CCDC171: variants seen among roughly 807,000 people sequenced by gnomAD.
CCDC171 encodes the protein coiled-coil domain containing 171.
Under a neutral mutation model 168.2 loss-of-function variants are expected in CCDC171, and 177 were observed. That is an observed-to-expected ratio of 1.05 (90% CI 0.93 to 1.19). The LOEUF is 1.19. Ranked by LOEUF, CCDC171 falls within the 50% of genes most tolerant of loss-of-function variation. The pLI, the probability that CCDC171 is intolerant of heterozygous loss-of-function variation, is 0.00. For missense variants in CCDC171, 1,991 were observed against 1,539.0 expected (o/e 1.29, Z -4.91); for synonymous variants, 687 against 540.8 (o/e 1.27, Z -3.75).
chr9:15,743,045 C>G (rs930561871), intron 16 of CCDC171, among the ~76,000 whole-genome samples: 1 of 151,246 alleles, frequency 6.6e-6, no homozygotes, highest in Non-Finnish European at 1.5e-5. Flanking sequence ...TCCAAAAGTG[C>G]TGGGATTATA....
chr9:15,562,364 G>A (rs941692272), intron 1 of CCDC171, among the ~76,000 whole-genome samples: 2 of 152,098 alleles, frequency 1.3e-5, no homozygotes, highest in Non-Finnish European at 2.9e-5. Flanking sequence ...CTTATATAAT[G>A]TAATCATAAG....
chr9:15,630,321 A>T (rs1307856346), intron 7 of CCDC171, among the ~76,000 whole-genome samples: 2 of 152,186 alleles, frequency 1.3e-5, no homozygotes, highest in Non-Finnish European at 2.9e-5. Context: ...AAATAAAAGG[A>T]TGGAGGAAGA....
intron 18 of CCDC171, among the ~76,000 whole-genome samples, chr9:15,749,132 C>A (rs1435800661): frequency 7.1e-5 from 8 of 112,608 alleles, no homozygotes; most frequent in African/African-American, 2.2e-4. Context: ...ATCTACCAAG[C>A]AAATGGAAAG....
intron 3 of CCDC171, among the ~76,000 whole-genome samples, chr9:16,011,763 C>G (rs1407758358): frequency 6.6e-6 from 1 of 152,200 alleles, no homozygotes; most frequent in Non-Finnish European, 1.5e-5. Context: ...TTTCCCAAAG[C>G]TTACAGTTAA....
At chr9:15,643,377 A>T (rs2046790640) in intron 7 of CCDC171, among the ~76,000 whole-genome samples, 1 of 152,164 alleles carries the variant, frequency 6.6e-6, no homozygotes, top group Non-Finnish European at 1.5e-5. Flanking sequence ...GTGTGGGCTA[A>T]ACATAATAAT....
chr9:15,936,520 C>CT (rs1430630080), intron 25 of CCDC171, among the ~76,000 whole-genome samples: 39 of 151,946 alleles, frequency 2.6e-4, no homozygotes, highest in African/African-American at 8.9e-4. Context: ...TGAGGGGACT[C>CT]AGCAGAGAGC....
chr9:15,857,934 G>GATATATAT (rs569030319), intron 23 of CCDC171, among the ~76,000 whole-genome samples: 26 of 151,172 alleles, frequency 1.7e-4, no homozygotes, highest in African/African-American at 6.3e-4. Flanking sequence ...CTATAGTTTT[G>GATATATAT]ATATATATAT....
At chr9:15,988,409 T>G (rs548154936) in intron 3 of CCDC171, among the ~76,000 whole-genome samples, 16 of 152,352 alleles carry the variant, frequency 1.1e-4, no homozygotes, top group African/African-American at 3.8e-4. Flanking sequence ...ATTAACAGTT[T>G]TGGTCTTAGA....
chr9:15,835,047 C>T (rs753747815), intron 21 of CCDC171, among the ~76,000 whole-genome samples: 30 of 152,134 alleles, frequency 2.0e-4, no homozygotes, highest in Admixed American at 7.9e-4. Context: ...GGTTTCTAAG[C>T]TGTGTCATGG....
intron 16 of CCDC171, among the ~76,000 whole-genome samples, chr9:15,736,661 T>TTTTCTTTC (rs58407296): frequency 0.053 from 7,784 of 147,950 alleles, 232 homozygotes; most frequent in East Asian, 0.092. Flanking sequence ...TCACATTTCT[T>TTTTCTTTC]TTTCTTTCTT....
At chr9:16,055,990 T>A (rs1833832859) in intron 1 of CCDC171, among the ~76,000 whole-genome samples, 1 of 152,238 alleles carries the variant, frequency 6.6e-6, no homozygotes, top group Non-Finnish European at 1.5e-5. Flanking sequence ...CCATTTATGT[T>A]TCTGAGAAGG....
intron 24 of CCDC171, among the ~76,000 whole-genome samples, chr9:15,896,743 T>G (rs886462246): frequency 6.6e-6 from 1 of 152,088 alleles, no homozygotes; most frequent in African/African-American, 2.4e-5. Context: ...TAGTTACACA[T>G]TGTTTTTACC....
intron 6 of CCDC171, among the ~76,000 whole-genome samples, chr9:15,597,714 G>T (rs944729243): frequency 6.6e-6 from 1 of 152,186 alleles, no homozygotes; most frequent in African/African-American, 2.4e-5. Context: ...AGTTTCAGAA[G>T]GAATGGTACC....
rs561987745 is a variant in CCDC171 at position 15,942,319 on chromosome 9, C to T, written c.3753+21897C>T. On this transcript the variant is annotated intron_variant, in intron 25 of 25. Coordinates refer to ENST00000380701, the MANE Select transcript of CCDC171 (RefSeq NM_173550.4). ...TAAGCCTATTTGGAAGTTCAGATAT[C>T]AAAAAGCAATGGCTGTAATTGGTCT... Among the ~76,000 whole-genome samples, 46 of 151,986 alleles carry T rather than the reference C, an allele frequency of 3.0e-4. No individual in the cohort carries two copies. In the Middle Eastern group the frequency reaches 0.017, roughly 56 times the overall value.
intron 3 of CCDC171, among the ~76,000 whole-genome samples, chr9:15,577,386 A>G (rs2040754495): frequency 6.6e-6 from 1 of 152,180 alleles, no homozygotes; most frequent in Non-Finnish European, 1.5e-5. Context: ...AAGTGCGTTC[A>G]TTACTTCATT....
chr9:15,726,445 G>A (rs2053807631), intron 14 of CCDC171, among the ~76,000 whole-genome samples: 1 of 152,136 alleles, frequency 6.6e-6, no homozygotes, highest in African/African-American at 2.4e-5. Context: ...ACAGGAGGAA[G>A]ATTTTTATGT....
intron 6 of CCDC171, among the ~76,000 whole-genome samples, chr9:15,610,650 T>G (rs2043615597): frequency 6.6e-6 from 1 of 150,634 alleles, no homozygotes; most frequent in South Asian, 2.1e-4. Context: ...AAAAACCTCC[T>G]GGTCCCAAGC....
intron 24 of CCDC171, among the ~76,000 whole-genome samples, chr9:15,905,294 T>C (rs888981449): frequency 6.6e-6 from 1 of 152,112 alleles, no homozygotes; most frequent in Non-Finnish European, 1.5e-5. Context: ...TCAGCAAATA[T>C]AAAAGAACGG....
At position 15,623,993 on chromosome 9, in the gene CCDC171, G is replaced by A. The variant is rs533626016; in HGVS notation, c.822+580G>A. ...TTTTAAAATTTCTCTTTGCTTTGTGGGAAATGAAATATTTAAACAGATAAA... is the reference window on the plus strand; with the variant it reads ...TTTTAAAATTTCTCTTTGCTTTGTGAGAAATGAAATATTTAAACAGATAAA... On this transcript the variant is annotated intron_variant, in intron 7 of 25. Transcript: ENST00000380701. Among the ~76,000 whole-genome samples the A allele has an allele frequency of 5.9e-5, 9 of 152,160 alleles. No homozygotes were observed. In the East Asian group the frequency reaches 1.7e-3, roughly 29 times the overall value.
Sources: gnomAD v4.1 joint callset for allele counts (sites outside exome capture counted in the v4.1 genomes callset) on GRCh38, gnomAD v4.1.1 for gene constraint, MANE v1.5 for transcripts, NCBI Gene and HGNC (gene_info 2026-07-23, HGNC 2026-07-21) for gene names.